FAT3: variants seen among roughly 807,000 people sequenced by gnomAD.
FAT3 encodes FAT atypical cadherin 3, also known as protocadherin Fat 3.
A neutral mutation model predicts 310.2 loss-of-function variants in FAT3; 95 were observed. The observed-to-expected ratio is 0.31, with a 90% CI of 0.26 to 0.36. FAT3 has a LOEUF of 0.36. FAT3 is among the 10% of genes least tolerant of loss of function. FAT3 has a pLI of 1.00. For missense variants in FAT3, 5,408 were observed against 5,715.6 expected, an observed-to-expected ratio of 0.95 and a Z score of 1.74; for synonymous variants, 2,314 against 2,192.9, an observed-to-expected ratio of 1.06 and a Z score of -1.54.
intron 2 of FAT3, among the ~76,000 whole-genome samples, chr11:92,496,083 C>T (rs866152790): frequency 6.6e-6 from 1 of 152,090 alleles, no homozygotes; most frequent in Non-Finnish European, 1.5e-5. Context: ...ATCTGTTGTG[C>T]GCATTTGGGT....
chr11:92,402,742 A>AG (rs1257134807), intron 2 of FAT3, among the ~76,000 whole-genome samples: 2 of 150,744 alleles, frequency 1.3e-5, no homozygotes, highest in African/African-American at 4.9e-5. Flanking sequence ...AAAAAAAAAA[A>AG]GAAAGAAAGA....
rs1345403744 is a variant in FAT3, at chr11:92,454,316, TA to T, written c.3293-70312del. On this transcript the variant is annotated intron_variant, in intron 2 of 27. Coordinates refer to ENST00000525166, the MANE Select transcript of FAT3 (RefSeq NM_001367949.2). ...GTATCTGACTGTTCATGAAGATTAA[TA>T]AAAAAGTATCATTCTAGTTGCAAAA... Among the ~76,000 whole-genome samples, 20 of 152,128 alleles carry T rather than the reference TA, an allele frequency of 1.3e-4. No individual in the cohort carries two copies. The East Asian group carries it at 1.9e-3, about 15-fold the overall frequency.
rs748988062 is a variant in FAT3 at position 92,263,637 on chromosome 11, GTA to G, written c.-18+38480_-18+38481del. Among the ~76,000 whole-genome samples, 1,168 of 127,886 alleles carry G rather than the reference GTA, an allele frequency of 9.1e-3. 13 individuals carry two copies. Among genetic ancestry groups the G allele is most frequent in the East Asian group, 0.059 (224 of 3,826 alleles). 83.9% of individuals were successfully genotyped at this position (127,886 alleles called of 152,430 possible). Reference sequence around the variant, plus strand: ...AATATAAGTGTGTGTGTGTGTGTGTGTATATATATATATATATAGAGAGAGAT... The same window carrying G: ...AATATAAGTGTGTGTGTGTGTGTGTGTATATATATATATATAGAGAGAGAT... On this transcript the variant is annotated intron_variant, in intron 1 of 27. Transcript: ENST00000525166.
chr11:92,390,835 A>G (rs973488769), intron 2 of FAT3, among the ~76,000 whole-genome samples: 14 of 152,160 alleles, frequency 9.2e-5, no homozygotes, highest in African/African-American at 3.4e-4. Flanking sequence ...CAGGGTGAGC[A>G]AAAATGTAGT....
intron 1 of FAT3, among the ~76,000 whole-genome samples, chr11:92,337,943 C>G (rs140058320): frequency 6.6e-6 from 1 of 152,142 alleles, no homozygotes; most frequent in Non-Finnish European, 1.5e-5. Flanking sequence ...GGTCAAATCA[C>G]TAGAGCCTCT....
intron 1 of FAT3, among the ~76,000 whole-genome samples, chr11:92,285,721 G>T (rs1190036361): frequency 3.3e-5 from 5 of 152,162 alleles, no homozygotes; most frequent in Admixed American, 1.3e-4. Flanking sequence ...CCTTGCGCAT[G>T]TCCTGTTTTG....
intron 2 of FAT3, among the ~76,000 whole-genome samples, chr11:92,410,301 TATGTGTCTGTGTGTATGTGTGTGC>T (rs1950228435): frequency 6.6e-6 from 1 of 152,058 alleles, no homozygotes. Flanking sequence ...TGTGTGTGTG[TATGTGTCTGTGTGTATGTGTGTGC>T]ACGCGAGTGA....
intron 1 of FAT3, among the ~76,000 whole-genome samples, chr11:92,227,438 G>C (rs1863967910): frequency 6.6e-6 from 1 of 152,154 alleles, no homozygotes; most frequent in Non-Finnish European, 1.5e-5. Context: ...GACTTTGCCT[G>C]GATCCAGGCG....
Position 92,844,394 on chromosome 11 carries a change from C to T in FAT3, c.11027C>T (p.Ala3676Val). 6.2e-7 allele frequency: 1 copy of T among 1,613,958 alleles called. No individual in the cohort carries two copies. Among genetic ancestry groups the T allele is most frequent in the Non-Finnish European group, 8.5e-7 (1 of 1,179,900 alleles). Residue 3676 changes from alanine to valine, a missense_variant, in exon 19 of 28, where the codon GCA becomes GTA. Ala to Val is a moderately conservative substitution (Grantham distance 64). This residue lies in a region of FAT3 where 4,588 missense variants were observed against 4,809.8 expected (regional missense o/e 0.95). Coordinates refer to ENST00000525166, the MANE Select transcript of FAT3 (RefSeq NM_001367949.2). ...GGGTTCCGGCGCACCCTGCGGAATG[C>T]AGTCCTCACCCAGAAGCAGGACAGC... ...MHGFRRTLRN[A>V]VLTQKQDSLR...
At chr11:92,753,082 G>A (rs79493279) in intron 4 of FAT3, among the ~76,000 whole-genome samples, 251 of 152,236 alleles carry the variant, frequency 1.6e-3, no homozygotes, top group African/African-American at 5.7e-3. Flanking sequence ...TCTAGAGGTG[G>A]GGTTTATGTC....
chr11:92,762,168 A>C lies in FAT3; in HGVS notation c.3982A>C (p.Thr1328Pro), dbSNP rs572686518. Residue 1328 changes from threonine to proline, a missense_variant and splice_region_variant, in exon 5 of 28, where the codon ACG (threonine) becomes CCG (proline). Physicochemically the swap from Thr to Pro is conservative, Grantham distance 38. Transcript: ENST00000525166. ...QFTAGSYDIL[T>P]IKAVDNGRPQ... ...TACAGCAGGCAGTTATGACATCCTAACGGTAAGATCTTCCAAACTCCAGCA... is the reference window on the plus strand; with the variant it reads ...TACAGCAGGCAGTTATGACATCCTACCGGTAAGATCTTCCAAACTCCAGCA... 6.2e-7 allele frequency: 1 copy of C among 1,606,418 alleles called. No individual in the cohort carries two copies. Among genetic ancestry groups the C allele is most frequent in the African/African-American group, 1.3e-5 (1 of 74,698 alleles).
At chr11:92,470,725 A>G (rs1382695804) in intron 2 of FAT3, among the ~76,000 whole-genome samples, 4 of 152,214 alleles carry the variant, frequency 2.6e-5, no homozygotes, top group African/African-American at 9.6e-5. Context: ...GCACACATGT[A>G]CACACTGGTC....
intron 1 of FAT3, among the ~76,000 whole-genome samples, chr11:92,321,083 T>C (rs1331887977): frequency 6.6e-6 from 1 of 152,100 alleles, no homozygotes; most frequent in Non-Finnish European, 1.5e-5. Flanking sequence ...TTTGATAAGG[T>C]GTTGGCATGA....
chr11:92,572,298 A>G (rs7942408), intron 3 of FAT3, among the ~76,000 whole-genome samples: 1,971 of 152,240 alleles, frequency 0.013, 34 homozygotes, highest in African/African-American at 0.034. Context: ...TTCATGGGTA[A>G]TTTTTATGTA....
At chr11:92,687,129 T>G (rs1943657476) in intron 3 of FAT3, among the ~76,000 whole-genome samples, 1 of 152,146 alleles carries the variant, frequency 6.6e-6, no homozygotes, top group African/African-American at 2.4e-5. Flanking sequence ...TTAATAAAAA[T>G]AAAATATAAT....
intron 1 of FAT3, among the ~76,000 whole-genome samples, chr11:92,319,988 C>T (rs986327644): frequency 1.3e-5 from 2 of 152,086 alleles, no homozygotes; most frequent in Admixed American, 6.6e-5. Flanking sequence ...ATGCTTCTCC[C>T]AAAACTTTAA....
chr11:92,359,734 G>T (rs1310370087), intron 2 of FAT3, among the ~76,000 whole-genome samples: 1 of 141,184 alleles, frequency 7.1e-6, no homozygotes, highest in Non-Finnish European at 1.5e-5. Context: ...GCGGTGTTTG[G>T]TTTTTTGTTC....
chr11:92,347,349 CAT>C (rs1349164464), intron 1 of FAT3, among the ~76,000 whole-genome samples: 1 of 152,162 alleles, frequency 6.6e-6, no homozygotes, highest in Non-Finnish European at 1.5e-5. Context: ...TACAGCCTAA[CAT>C]AGCAAATTTC....
chr11:92,660,444 C>A (rs989496260), intron 3 of FAT3, among the ~76,000 whole-genome samples: 2 of 151,944 alleles, frequency 1.3e-5, no homozygotes, highest in Non-Finnish European at 2.9e-5. Context: ...TCAGCAGGGG[C>A]TGGGCAATGA....
Sources: allele counts gnomAD v4.1 joint callset (sites outside exome capture counted in the v4.1 genomes callset), GRCh38; gene constraint gnomAD v4.1.1; regional missense constraint gnomAD v4.1.1; transcripts MANE v1.5; gene names NCBI Gene and HGNC (gene_info 2026-07-23, HGNC 2026-07-21).